ZSCAN21: variants seen among roughly 807,000 people sequenced by gnomAD.
ZSCAN21 encodes zinc finger and SCAN domain-containing protein 21.
In ZSCAN21, 26 loss-of-function variants were observed where a neutral mutation model predicts 35.6. The observed-to-expected ratio is 0.73, with a 90% CI of 0.54 to 1.01. ZSCAN21 has a LOEUF of 1.01. Among genes scored for constraint, ZSCAN21 ranks in the 50% least tolerant of loss-of-function variants. ZSCAN21 has a pLI of 0.00. For synonymous variants in ZSCAN21, 219 were observed against 219.3 expected, an observed-to-expected ratio of 1.00 and a Z score of 0.01; for missense variants, 593 against 587.1, an observed-to-expected ratio of 1.01 and a Z score of -0.10.
At chr7:100,058,240 A>C (rs1037007030) in intron 3 of ZSCAN21, among the ~76,000 whole-genome samples, 2 of 152,204 alleles carry the variant, frequency 1.3e-5, no homozygotes, top group African/African-American at 4.8e-5. Context: ...ACAACAGTGA[A>C]AAGCTGTTAC....
At chr7:100,057,948 C>G in intron 3 of ZSCAN21, 58 bp downstream of exon 3, 1 of 1,380,474 alleles carries the variant, frequency 7.2e-7, no homozygotes, top group Non-Finnish European at 9.6e-7. Flanking sequence ...GTTGGAGAAG[C>G]AGAATAATTA....
chr7:100,061,724 A>C (rs1410465109), intron 3 of ZSCAN21, among the ~76,000 whole-genome samples: 1 of 152,194 alleles, frequency 6.6e-6, no homozygotes, highest in Admixed American at 6.5e-5. Context: ...CTGTCAGCAA[A>C]GGAAGGAGAT....
intron 3 of ZSCAN21, among the ~76,000 whole-genome samples, chr7:100,061,521 C>G (rs559843928): frequency 6.6e-6 from 1 of 152,312 alleles, no homozygotes; most frequent in African/African-American, 2.4e-5. Flanking sequence ...GACTCTATCT[C>G]AAAACAAAAC....
chr7:100,060,000 G>A (rs916300459), intron 3 of ZSCAN21, among the ~76,000 whole-genome samples: 1 of 152,126 alleles, frequency 6.6e-6, no homozygotes, highest in Non-Finnish European at 1.5e-5. Context: ...GAGCCACCAC[G>A]CCCAGCCAAG....
chr7:100,060,128 C>T (rs1562847802), intron 3 of ZSCAN21, among the ~76,000 whole-genome samples: 1 of 152,208 alleles, frequency 6.6e-6, no homozygotes, highest in Non-Finnish European at 1.5e-5. Context: ...TAATGAAGGA[C>T]ATGATTAGCA....
At position 100,064,789 on chromosome 7, in the gene ZSCAN21, CAGA is replaced by C. The variant is rs1274729388; in HGVS notation, c.*175_*177del. 9 of 1,614,032 alleles carry C rather than the reference CAGA, an allele frequency of 5.6e-6. No homozygotes were observed. Among genetic ancestry groups the C allele is most frequent in the African/African-American group, 1.3e-5 (1 of 74,918 alleles). ...AGCAACATGGCAGGCAGGAGGTCCT[CAGA>C]AGGTGTCAGGAGGTTCCACACTCGC... On this transcript the variant is annotated 3_prime_UTR_variant, in exon 4 of 4. Coordinates refer to ENST00000292450, the MANE Select transcript of ZSCAN21 (RefSeq NM_145914.3).
intron 3 of ZSCAN21, among the ~76,000 whole-genome samples, chr7:100,062,582 C>A (rs1792370651): frequency 1.5e-5 from 2 of 137,594 alleles, no homozygotes; most frequent in Non-Finnish European, 3.1e-5. Context: ...ACAACAGGAG[C>A]AAAACTCCAT....
rs1293011730 is a variant in ZSCAN21 at position 100,057,820 on chromosome 7, T to C, written c.522T>C (p.Ser174=). 7 of 1,613,900 alleles carry C rather than the reference T, an allele frequency of 4.3e-6. No individual in the cohort carries two copies. The African/African-American group carries it at 9.3e-5, about 22-fold the overall frequency. ...QPLETSHKYE[S]WGPLYIQESG... is the part of the protein sequence containing the mutation. The stretch of plus-strand genomic sequence containing the variant: ...TGGAGACCAGTCACAAATACGAGTC[T>C]TGGGGGCCCCTGTACATCCAAGAGT... Residue 174 remains serine (S), a synonymous_variant, in exon 3 of 4, where the codon TCT becomes TCC. Coordinates refer to ENST00000292450, the MANE Select transcript of ZSCAN21 (RefSeq NM_145914.3).
intron 3 of ZSCAN21, 83 bp from the exon 4 acceptor site, chr7:100,063,705 C>G: frequency 2.9e-6 from 4 of 1,358,018 alleles, no homozygotes; most frequent in Non-Finnish European, 4.0e-6. Flanking sequence ...TCAGTCTCAC[C>G]TGATGGTTCT....
Position 100,063,852 on chromosome 7 carries a change from G to T in ZSCAN21, c.657G>T (p.Gly219=), listed in dbSNP as rs780860774. 6.2e-7 allele frequency: 1 copy of T among 1,614,092 alleles called. No homozygotes were observed. The highest frequency in any genetic ancestry group is 1.7e-5 in the Admixed American group (1 of 59,996). Residue 219 remains glycine (G), a synonymous_variant, in exon 4 of 4, where the codon GGG becomes GGT. Coordinates refer to ENST00000292450, the MANE Select transcript of ZSCAN21 (RefSeq NM_145914.3). ...AGCAGAAAGGTTCTGAAGCAGAGGG[G>T]CTCAAAGGGGATATAATTTCTGTGA... is the stretch of plus-strand genomic sequence containing the variant. ...ADEQKGSEAE[G]LKGDIISVII...
chr7:100,063,962 A>G lies in ZSCAN21; in HGVS notation c.767A>G (p.Glu256Gly). Residue 256 changes from glutamate to glycine, a missense_variant, in exon 4 of 4, where the codon GAG becomes GGG. Coordinates refer to ENST00000292450, the MANE Select transcript of ZSCAN21 (RefSeq NM_145914.3). ...NEKGTKPPLQEAGSKKGRESV... is the reference protein window; with the variant it reads ...NEKGTKPPLQGAGSKKGRESV... ...AAAGGAACAAAACCCCCTCTTCAAG[A>G]GGCAGGCTCCAAGAAAGGTAGAGAA... The G allele has an allele frequency of 6.2e-7, 1 of 1,614,188 alleles. No individual in the cohort carries two copies. The highest frequency in any genetic ancestry group is 8.5e-7 in the Non-Finnish European group (1 of 1,180,018).
intron 1 of ZSCAN21, among the ~76,000 whole-genome samples, chr7:100,053,795 AGAACCAGAAACCGAAAG>A (rs2116070231): frequency 6.6e-6 from 1 of 152,166 alleles, no homozygotes; most frequent in Non-Finnish European, 1.5e-5. Flanking sequence ...GTGGCCCTAA[AGAACCAGAAACCGAAAG>A]GAACCAGTAT....
At position 100,063,761 on chromosome 7, in the gene ZSCAN21, G is replaced by A. The variant is rs1439203693; in HGVS notation, c.593-27G>A. ...TTCCTCAGAACAAGAAACAACTGAA[G>A]TATCCTTAATCTGCTTATTGTTTCA... is the stretch of plus-strand genomic sequence containing the variant. On this transcript the variant is annotated intron_variant, in intron 3 of 3. Transcript: ENST00000292450. 1.9e-6 allele frequency: 3 copies of A among 1,569,428 alleles called. No individual in the cohort carries two copies. The South Asian group carries it at 3.6e-5, about 19-fold the overall frequency.
At chr7:100,053,737 A>G (rs1355452182) in intron 1 of ZSCAN21, among the ~76,000 whole-genome samples, 1 of 151,580 alleles carries the variant, frequency 6.6e-6, no homozygotes, top group Admixed American at 6.6e-5. Flanking sequence ...TTTAGTGGAG[A>G]CTGTAACTTG....
At position 100,064,990 on chromosome 7, in the gene ZSCAN21, A is replaced by G. The variant is rs1057029437; in HGVS notation, c.*373A>G. On this transcript the variant is annotated 3_prime_UTR_variant, in exon 4 of 4. Coordinates refer to ENST00000292450, the MANE Select transcript of ZSCAN21 (RefSeq NM_145914.3). Reference sequence around the variant, plus strand: ...ATTTTAATTTGTAAAGAATTGAGCCACATTGAACACAATTGAATGAGATTC... The same window carrying G: ...ATTTTAATTTGTAAAGAATTGAGCCGCATTGAACACAATTGAATGAGATTC... The G allele has an allele frequency of 7.7e-6, 12 of 1,550,298 alleles. No homozygotes were observed. The highest frequency in any genetic ancestry group is 1.1e-5 in the Non-Finnish European group (12 of 1,132,258).
Position 100,057,724 on chromosome 7 carries a change from A to G in ZSCAN21, c.426A>G (p.Lys142=). ...TCTCAACTCCTCCAAACGAACAGAA[A>G]CCGGTGTGGGAGAAGATATCCTCCT... The part of the protein sequence containing the change: ...HQVSTPPNEQ[K]PVWEKISSSG... The change falls in exon 3 of 4, where the codon AAA becomes AAG. Residue 142 remains lysine, a synonymous_variant. Coordinates refer to ENST00000292450, the MANE Select transcript of ZSCAN21 (RefSeq NM_145914.3). The G allele has an allele frequency of 6.2e-7, 1 of 1,613,120 alleles. No homozygotes were observed. The highest frequency in any genetic ancestry group is 8.5e-7 in the Non-Finnish European group (1 of 1,179,572).
intron 1 of ZSCAN21, among the ~76,000 whole-genome samples, chr7:100,051,151 C>G (rs1791847605): frequency 2.7e-5 from 2 of 74,088 alleles, no homozygotes; most frequent in African/African-American, 1.1e-4. Flanking sequence ...GCACTCCAGC[C>G]TGGGAAACAA....
At chr7:100,051,767 G>A (rs1791889264) in intron 1 of ZSCAN21, among the ~76,000 whole-genome samples, 1 of 152,044 alleles carries the variant, frequency 6.6e-6, no homozygotes, top group South Asian at 2.1e-4. Context: ...TTGGCATAAA[G>A]GAGGAGGGAA....
chr7:100,057,483 A>G (rs1177840706), intron 2 of ZSCAN21, 78 bp downstream of exon 2: 9 of 1,482,406 alleles, frequency 6.1e-6, no homozygotes, highest in South Asian at 1.4e-5. Flanking sequence ...TTGTCCATAC[A>G]TTAAGATTTG....
Sources: gnomAD v4.1 joint callset for allele counts (sites outside exome capture counted in the v4.1 genomes callset) on GRCh38, gnomAD v4.1.1 for gene constraint, MANE v1.5 for transcripts, NCBI Gene and HGNC (gene_info 2026-07-23, HGNC 2026-07-21) for gene names.